The following PPFIA2 variants were observed in gnomAD, a reference collection of about 807,000 sequenced individuals.
The protein encoded by PPFIA2 is PPFI scaffold protein A2, also known as liprin-alpha-2.
A neutral mutation model predicts 175.5 loss-of-function variants in PPFIA2; 46 were observed. The ratio of observed to expected loss-of-function variants is 0.26; its 90% CI spans 0.21 to 0.34. PPFIA2 has a LOEUF of 0.34. Ranked by LOEUF, PPFIA2 falls within the 10% of genes least tolerant of loss-of-function variation. The pLI is 1.00. For synonymous variants in PPFIA2, 568 were observed against 511.4 expected (o/e 1.11, Z -1.49); for missense variants, 1,179 against 1,506.1 (o/e 0.78, Z 3.60).
chr12:81,754,139 T>C lies in PPFIA2; in HGVS notation c.83A>G (p.Asp28Gly), dbSNP rs758575808. ...RGSQSSGSDS[D>G]SHFEQLMVNM... ...CACCATCAGCTGCTCAAAATGGGAG[T>C]CTGAGTCCGAGCCACTGCTTTGGGA... The change falls in exon 3 of 33, where the codon GAC (aspartate) becomes GGC (glycine). Residue 28 changes from aspartate to glycine, a missense_variant. Physicochemically the swap from Asp to Gly is moderately conservative, Grantham distance 94. Coordinates refer to ENST00000549396, the MANE Select transcript of PPFIA2 (RefSeq NM_003625.5). The C allele has an allele frequency of 6.2e-7, 1 of 1,613,412 alleles. No individual in the cohort carries two copies. The highest frequency in any genetic ancestry group is 8.5e-7 in the Non-Finnish European group (1 of 1,179,734).
chr12:81,397,964 A>G (rs61052957), intron 8 of PPFIA2, among the ~76,000 whole-genome samples: 34,847 of 151,728 alleles, frequency 0.23, 5,361 homozygotes, highest in East Asian at 0.46. Context: ...ACTGTCAGAC[A>G]GGACCATCTA....
intron 7 of PPFIA2, among the ~76,000 whole-genome samples, chr12:81,428,121 C>T (rs552099375): frequency 9.2e-5 from 14 of 151,764 alleles, no homozygotes; most frequent in South Asian, 8.3e-4. Flanking sequence ...ATTTATGATG[C>T]TTATGATCAA....
chr12:81,709,025 C>A (rs546318605), intron 3 of PPFIA2, among the ~76,000 whole-genome samples: 23 of 152,030 alleles, frequency 1.5e-4, no homozygotes, highest in Non-Finnish European at 3.1e-4. Context: ...GATTAAAAAC[C>A]CCCTTTTATT....
intron 4 of PPFIA2, among the ~76,000 whole-genome samples, chr12:81,469,685 G>A (rs757932797): frequency 2.9e-4 from 44 of 152,270 alleles, no homozygotes; most frequent in South Asian, 1.0e-3. Context: ...TAAATGTGAC[G>A]CCAAAAGCTC....
At chr12:81,689,143 G>T (rs1482270762) in intron 3 of PPFIA2, among the ~76,000 whole-genome samples, 1 of 151,306 alleles carries the variant, frequency 6.6e-6, no homozygotes, top group Non-Finnish European at 1.5e-5. Flanking sequence ...ACAGCAATTA[G>T]CAACACTATC....
chr12:81,562,103 G>T (rs2070229450), intron 4 of PPFIA2, among the ~76,000 whole-genome samples: 1 of 152,072 alleles, frequency 6.6e-6, no homozygotes, highest in Non-Finnish European at 1.5e-5. Flanking sequence ...AAAAAGATAG[G>T]CCTTTATGTT....
chr12:81,544,150 A>G (rs1302330938), intron 4 of PPFIA2, among the ~76,000 whole-genome samples: 4 of 152,176 alleles, frequency 2.6e-5, no homozygotes, highest in Admixed American at 6.6e-5. Context: ...ATAACAGGGG[A>G]GACTTGGTGA....
At chr12:81,358,386 T>C (rs537123459) in intron 15 of PPFIA2, among the ~76,000 whole-genome samples, 169 bp from the exon 16 acceptor site, 2 of 152,306 alleles carry the variant, frequency 1.3e-5, no homozygotes, top group Middle Eastern at 3.4e-3. Context: ...TAGAGACTTA[T>C]GTCAGAAGCT....
chr12:81,474,637 TA>T (rs2057249738), intron 4 of PPFIA2, among the ~76,000 whole-genome samples: 1 of 152,232 alleles, frequency 6.6e-6, no homozygotes, highest in African/African-American at 2.4e-5. Flanking sequence ...CCCAAATTTG[TA>T]AATACATACT....
chr12:81,711,318 A>G (rs1465225708), intron 3 of PPFIA2, among the ~76,000 whole-genome samples: 2 of 151,446 alleles, frequency 1.3e-5, no homozygotes, highest in East Asian at 4.0e-4. Context: ...ATCTCTCTCA[A>G]TTGGCTTTGA....
At chr12:81,478,282 T>C (rs1200629058) in intron 4 of PPFIA2, among the ~76,000 whole-genome samples, 1 of 152,156 alleles carries the variant, frequency 6.6e-6, no homozygotes, top group Non-Finnish European at 1.5e-5. Context: ...TTTTATTGTG[T>C]CTATTTGATT....
chr12:81,538,957 G>C (rs1033680732), intron 4 of PPFIA2, among the ~76,000 whole-genome samples: 5 of 151,934 alleles, frequency 3.3e-5, no homozygotes, highest in African/African-American at 7.2e-5. Flanking sequence ...AGGATATGTA[G>C]TTAGAGGACT....
intron 3 of PPFIA2, among the ~76,000 whole-genome samples, chr12:81,732,693 A>G (rs547159011): frequency 6.6e-6 from 1 of 151,588 alleles, no homozygotes; most frequent in African/African-American, 2.4e-5. Flanking sequence ...TTAATGACAT[A>G]GATAATTGCT....
intron 3 of PPFIA2, among the ~76,000 whole-genome samples, chr12:81,734,831 T>C (rs1315205466): frequency 4.0e-5 from 6 of 151,852 alleles, no homozygotes; most frequent in Non-Finnish European, 7.4e-5. Flanking sequence ...TCACTTCCTA[T>C]GCCCACCTCC....
chr12:81,277,366 G>T lies in PPFIA2; in HGVS notation c.3261C>A (p.Asp1087Glu). ...CCCGTCTTCTTTCTAGTTCTTTTCTGTCATAATTCAACCTCTTTAAGCACA... is the reference window on the plus strand; with the variant it reads ...CCCGTCTTCTTTCTAGTTCTTTTCTTTCATAATTCAACCTCTTTAAGCACA... ...GIMCLKRLNY[D>E]RKELERRREA... Residue 1087 changes from aspartate to glutamate, a missense_variant, in exon 28 of 33, where the codon GAC (aspartate) becomes GAA (glutamate). Physicochemically the swap from Asp to Glu is conservative, Grantham distance 45. Coordinates refer to ENST00000549396, the MANE Select transcript of PPFIA2 (RefSeq NM_003625.5). 5 of 1,563,698 alleles carry T rather than the reference G, an allele frequency of 3.2e-6. No individual in the cohort carries two copies. The highest frequency in any genetic ancestry group is 1.2e-5 in the South Asian group (1 of 85,024).
At chr12:81,521,795 G>C (rs562286311) in intron 4 of PPFIA2, among the ~76,000 whole-genome samples, 7 of 151,286 alleles carry the variant, frequency 4.6e-5, no homozygotes, top group Non-Finnish European at 1.0e-4. Context: ...ACTCCAGCCT[G>C]GGCGACAGAG....
chr12:81,593,456 T>C (rs998913239), intron 4 of PPFIA2, among the ~76,000 whole-genome samples: 11 of 152,196 alleles, frequency 7.2e-5, no homozygotes, highest in Admixed American at 5.9e-4. Context: ...AAATAATTAG[T>C]TGCTTACTGT....
intron 6 of PPFIA2, among the ~76,000 whole-genome samples, 189 bp downstream of exon 6, chr12:81,445,367 T>C (rs767911080): frequency 6.6e-6 from 1 of 152,214 alleles, no homozygotes; most frequent in Non-Finnish European, 1.5e-5. Flanking sequence ...AAAAAGAAGA[T>C]GTTTATGAAT....
In PPFIA2 at chr12:81,330,116, T is replaced by C. The variant is rs78634355; in HGVS notation, c.2549-4246A>G. ...GTTAGAATCAAAATGGAGTCACTATTGTTAAGAAAATCCTGGCAAGTAGAG... is the reference window on the plus strand; with the variant it reads ...GTTAGAATCAAAATGGAGTCACTATCGTTAAGAAAATCCTGGCAAGTAGAG... On this transcript the variant is annotated intron_variant, in intron 21 of 32. Coordinates refer to ENST00000549396, the MANE Select transcript of PPFIA2 (RefSeq NM_003625.5). 1.5e-3 allele frequency among the ~76,000 whole-genome samples: 232 copies of C among 152,250 alleles called. 4 individuals are homozygous for C. The East Asian group carries it at 0.028, about 18-fold the overall frequency.
Sources: gnomAD v4.1 joint callset for allele counts (sites outside exome capture counted in the v4.1 genomes callset) on GRCh38, gnomAD v4.1.1 for gene constraint, MANE v1.5 for transcripts, NCBI Gene and HGNC (gene_info 2026-07-23, HGNC 2026-07-21) for gene names.